The following DOCK7 variants were observed in gnomAD, a reference collection of about 807,000 sequenced individuals.
DOCK7 encodes dedicator of cytokinesis 7.
A neutral mutation model predicts 271.0 loss-of-function variants in DOCK7; 138 were observed. The ratio of observed to expected loss-of-function variants is 0.51; its 90% CI spans 0.44 to 0.59. The LOEUF (loss-of-function observed/expected upper bound fraction) is 0.59. Among genes scored for constraint, DOCK7 ranks in the 20% least tolerant of loss-of-function variants. DOCK7 has a pLI of 0.00. For synonymous variants in DOCK7, 823 were observed against 876.1 expected (o/e 0.94, Z 1.07); for missense variants, 2,066 against 2,592.4 (o/e 0.80, Z 4.41).
chr1:62,613,337 T>C (rs953864894), intron 14 of DOCK7, among the ~76,000 whole-genome samples: 7 of 152,190 alleles, frequency 4.6e-5, no homozygotes, highest in African/African-American at 1.4e-4. Flanking sequence ...TGTATCTTCA[T>C]CTACCCCTGT....
intron 28 of DOCK7, among the ~76,000 whole-genome samples, chr1:62,536,266 T>A (rs534532157): frequency 2.4e-4 from 36 of 152,298 alleles, no homozygotes; most frequent in African/African-American, 8.7e-4. Context: ...AAACTCTTCT[T>A]AGCCTTTCAA....
chr1:62,561,783 C>A, intron 18 of DOCK7, 80 bp from the exon 19 acceptor site: 3 of 751,158 alleles, frequency 4.0e-6, no homozygotes, highest in Non-Finnish European at 6.2e-6. Context: ...TACAATATCC[C>A]AATGAGAAAA....
chr1:62,648,375 T>C, intron 5 of DOCK7, 40 bp downstream of exon 5: 1 of 1,444,236 alleles, frequency 6.9e-7, no homozygotes, highest in Non-Finnish European at 9.1e-7. Context: ...CAACTATTTT[T>C]AAATAACTTC....
chr1:62,550,984 G>A (rs1645884765), intron 22 of DOCK7, among the ~76,000 whole-genome samples: 1 of 152,110 alleles, frequency 6.6e-6, no homozygotes, highest in Non-Finnish European at 1.5e-5. Flanking sequence ...GCCTCCTGAA[G>A]TGCTGGGATT....
intron 33 of DOCK7, among the ~76,000 whole-genome samples, chr1:62,511,872 T>G (rs1249999621): frequency 6.6e-6 from 1 of 152,034 alleles, no homozygotes; most frequent in Non-Finnish European, 1.5e-5. Context: ...GTCTTAGAAC[T>G]GAAAGTTAAG....
At chr1:62,603,815 T>G (rs757290520) in intron 14 of DOCK7, among the ~76,000 whole-genome samples, 50 of 151,904 alleles carry the variant, frequency 3.3e-4, no homozygotes, top group Non-Finnish European at 6.2e-4. Flanking sequence ...AATAAAATTG[T>G]TTTAAAAGGT....
chr1:62,617,726 TTTC>T (rs1348626805), intron 14 of DOCK7, among the ~76,000 whole-genome samples: 1 of 152,020 alleles, frequency 6.6e-6, no homozygotes. Flanking sequence ...ACTTTACCTG[TTTC>T]TTTTTTTTAA....
At chr1:62,609,531 GA>G (rs1401176817) in intron 14 of DOCK7, 1 of 152,140 alleles carries the variant, frequency 6.6e-6, no homozygotes, top group African/African-American at 2.4e-5. Context: ...TAATGTATTT[GA>G]ATAGCTTTAT....
At chr1:62,678,289 G>C (rs1660745734) in intron 1 of DOCK7, among the ~76,000 whole-genome samples, 1 of 152,002 alleles carries the variant, frequency 6.6e-6, no homozygotes, top group South Asian at 2.1e-4. Flanking sequence ...GATTGAAAAG[G>C]AAGAAACAAA....
At position 62,475,781 on chromosome 1, in the gene DOCK7, T is replaced by A; in HGVS notation, c.5887A>T (p.Arg1963Trp). The A allele has an allele frequency of 6.2e-7, 1 of 1,614,090 alleles. No homozygotes were observed. The highest frequency in any genetic ancestry group is 8.5e-7 in the Non-Finnish European group (1 of 1,179,950). Residue 1963 changes from arginine to tryptophan, a missense_variant, in exon 46 of 50, where the codon AGG (arginine) becomes TGG (tryptophan). This residue lies in a region of DOCK7 where 652 missense variants were observed against 922.1 expected (regional missense o/e 0.71). Coordinates refer to ENST00000635253, the MANE Select transcript of DOCK7 (RefSeq NM_001367561.1). ...TGAGACGTAGTCAGAATGGTCTTCC[T>A]TTTGAATTGTTCATGAAGTTCCCCA... ...AHGELHEQFKRKTILTTSHAF... is the reference protein window; with the variant it reads ...AHGELHEQFKWKTILTTSHAF...
At chr1:62,558,109 C>T (rs1571538701) in intron 20 of DOCK7, among the ~76,000 whole-genome samples, 1 of 152,152 alleles carries the variant, frequency 6.6e-6, no homozygotes, top group Non-Finnish European at 1.5e-5. Flanking sequence ...AACTTCATCT[C>T]CCACTCTCCA....
intron 31 of DOCK7, among the ~76,000 whole-genome samples, chr1:62,525,245 G>A (rs944599685): frequency 1.4e-4 from 21 of 151,916 alleles, no homozygotes; most frequent in African/African-American, 5.1e-4. Flanking sequence ...CTGACTTCAA[G>A]TGATCTGCCC....
chr1:62,622,412 T>A lies in DOCK7; in HGVS notation c.1426-2419A>T, dbSNP rs184168719. On this transcript the variant is annotated intron_variant, in intron 12 of 49. Coordinates refer to ENST00000635253, the MANE Select transcript of DOCK7 (RefSeq NM_001367561.1). ...TATTGTGTGGGTTTGATTTTTTTTT[T>A]AAATATCTATGTATTTCTAATAATT... 4.0e-4 allele frequency among the ~76,000 whole-genome samples: 61 copies of A among 152,292 alleles called. 1 individual carries two copies. The highest frequency in any genetic ancestry group is 2.9e-3 in the Admixed American group (44 of 15,290).
intron 2 of DOCK7, among the ~76,000 whole-genome samples, chr1:62,657,839 T>G (rs1411786586): frequency 6.6e-6 from 1 of 151,632 alleles, no homozygotes; most frequent in Non-Finnish European, 1.5e-5. Context: ...AAATAGAAAT[T>G]ATCCAATCTG....
At chr1:62,639,788 A>G (rs1388381782) in intron 7 of DOCK7, among the ~76,000 whole-genome samples, 4 of 152,142 alleles carry the variant, frequency 2.6e-5, no homozygotes, top group Non-Finnish European at 4.4e-5. Flanking sequence ...TATCATGAAC[A>G]AAGGATGGAA....
intron 27 of DOCK7, 75 bp downstream of exon 27, chr1:62,539,470 T>A (rs1645455390): frequency 1.6e-6 from 2 of 1,282,302 alleles, no homozygotes; most frequent in Non-Finnish European, 2.2e-6. Flanking sequence ...TTAAGGTCTC[T>A]TAGCTCTAAC....
At chr1:62,601,802 G>A in intron 14 of DOCK7, 1 of 1,609,712 alleles carries the variant, frequency 6.2e-7, no homozygotes, top group South Asian at 1.1e-5. Context: ...ATTTATAACA[G>A]AGGTGAACAT....
In DOCK7 at chr1:62,508,059, C is replaced by A. The variant is rs774949595; in HGVS notation, c.4380-1G>T. The A allele has an allele frequency of 1.9e-6, 3 of 1,598,010 alleles. No homozygotes were observed. Among genetic ancestry groups the A allele is most frequent in the Non-Finnish European group, 2.6e-6 (3 of 1,175,814 alleles). On this transcript the variant is annotated splice_acceptor_variant, in intron 34 of 49. Coordinates refer to ENST00000635253, the MANE Select transcript of DOCK7 (RefSeq NM_001367561.1). LOFTEE classifies it high-confidence loss of function. ...TTCGTGTTCAATCTCTGCTCTTGAT[C>A]TAATACAAAATATTGTAAGAAATTA...
In DOCK7 at chr1:62,544,991, C is replaced by T; in HGVS notation, c.2815G>A (p.Ala939Thr). 6.5e-7 allele frequency: 1 copy of T among 1,549,842 alleles called. No homozygotes were observed. Among genetic ancestry groups the T allele is most frequent in the South Asian group, 1.2e-5 (1 of 84,020 alleles). Reference protein sequence around the residue: ...SWVNTGGPKAAPWGSNPSPSA... With the variant: ...SWVNTGGPKATPWGSNPSPSA... ...GGACTGGGGTTGGATCCCCATGGGGCAGCTTTTGGACCACCAGTGTTAACC... is the reference window on the plus strand; with the variant it reads ...GGACTGGGGTTGGATCCCCATGGGGTAGCTTTTGGACCACCAGTGTTAACC... The change falls in exon 23 of 50, where the codon GCC (alanine) becomes ACC (threonine). Residue 939 changes from alanine (A) to threonine (T), a missense_variant. Ala to Thr is a moderately conservative substitution (Grantham distance 58). Around this residue, in one of 2 missense-constraint regions of DOCK7, gnomAD observed 1,414 missense variants for 1,670.4 expected, o/e 0.85. Coordinates refer to ENST00000635253, the MANE Select transcript of DOCK7 (RefSeq NM_001367561.1).
Sources: gnomAD v4.1 joint callset for allele counts (sites outside exome capture counted in the v4.1 genomes callset) on GRCh38, gnomAD v4.1.1 for gene constraint, gnomAD v4.1.1 regional missense constraint, MANE v1.5 for transcripts, NCBI Gene and HGNC (gene_info 2026-07-23, HGNC 2026-07-21) for gene names.